Variants in LONRF2 observed in about 807,000 individuals in gnomAD.
LONRF2 encodes LON peptidase N-terminal domain and RING finger protein 2.
Under a neutral mutation model 66.6 loss-of-function variants are expected in LONRF2, and 35 were observed. That is an observed-to-expected ratio of 0.53 (90% CI 0.40 to 0.70). The LOEUF (loss-of-function observed/expected upper bound fraction) is 0.70. Ranked by LOEUF, LONRF2 falls within the 30% of genes least tolerant of loss-of-function variation. The probability of loss-of-function intolerance (pLI) is 0.00; values close to 1 mark genes in which losing one functional copy is unlikely to be tolerated. For synonymous variants in LONRF2, 417 were observed against 418.1 expected (o/e 1.00, Z 0.03); for missense variants, 902 against 1,002.1 (o/e 0.90, Z 1.35).
Position 100,322,119 on chromosome 2 carries a change from T to C in LONRF2, c.-26A>G. The C allele has an allele frequency of 8.1e-7, 1 of 1,237,710 alleles. No homozygotes were observed. The highest frequency in any genetic ancestry group is 1.0e-6 in the Non-Finnish European group (1 of 991,400). 76.7% of individuals were successfully genotyped at this position (1,237,710 alleles called of 1,614,324 possible). A position where few individuals can be genotyped will look rare whatever the true frequency, so the allele number is the denominator to read the frequency against. ...CACCGCGGGGCTGCGACGACGCGGG[T>C]CCGGAGCGAAGGCGCGGAGCAGGGA... On this transcript the variant is annotated 5_prime_UTR_variant, in exon 1 of 12. Transcript: ENST00000393437.
intron 1 of LONRF2, 94 bp from the exon 2 acceptor site, chr2:100,309,319 A>C: frequency 1.5e-6 from 1 of 664,954 alleles, no homozygotes; most frequent in Non-Finnish European, 2.5e-6. Flanking sequence ...GTATATATAC[A>C]TATGTATAAA....
intron 2 of LONRF2, among the ~76,000 whole-genome samples, chr2:100,303,624 T>C (rs959914185): frequency 3.3e-5 from 5 of 152,232 alleles, no homozygotes; most frequent in Non-Finnish European, 2.9e-5. Context: ...GCACTTGAAA[T>C]ATGTTGTTCC....
chr2:100,290,199 A>G, intron 10 of LONRF2, 59 bp downstream of exon 10: 3 of 1,510,616 alleles, frequency 2.0e-6, no homozygotes, highest in Non-Finnish European at 2.7e-6. Context: ...CTTTTCCACA[A>G]TGCAAAGGGA....
At chr2:100,310,253 A>C (rs1055390303) in intron 1 of LONRF2, among the ~76,000 whole-genome samples, 4 of 152,166 alleles carry the variant, frequency 2.6e-5, no homozygotes, top group African/African-American at 9.7e-5. Context: ...AGGCAGAACC[A>C]TCACAGCCAT....
intron 7 of LONRF2, among the ~76,000 whole-genome samples, chr2:100,298,255 A>C (rs371205680): frequency 1.4e-4 from 22 of 152,336 alleles, no homozygotes; most frequent in African/African-American, 5.3e-4. Context: ...TACCATACCT[A>C]ACGTAAATGG....
At position 100,294,117 on chromosome 2, in the gene LONRF2, G is replaced by C. The variant is rs1367914355; in HGVS notation, c.1757+112C>G. 5 of 1,269,936 alleles carry C rather than the reference G, an allele frequency of 3.9e-6. No homozygotes were observed. The Admixed American group carries it at 9.4e-5, about 24-fold the overall frequency. The allele number at this position is 1,269,936 out of a possible 1,614,324, so 78.7% of individuals were successfully genotyped here. ...CAGCCTTGAACTTGGACTTTGTTAC[G>C]TAACGGGAGCCACTGGAGGTTTTCA... On this transcript the variant is annotated intron_variant, in intron 9 of 11. Transcript: ENST00000393437.
At chr2:100,297,620 A>G (rs1269381809) in intron 7 of LONRF2, among the ~76,000 whole-genome samples, 2 of 152,336 alleles carry the variant, frequency 1.3e-5, no homozygotes, top group Non-Finnish European at 2.9e-5. Context: ...AACAAGAGGC[A>G]GTGGGTCCGA....
At chr2:100,289,876 G>A (rs2105716830) in intron 10 of LONRF2, among the ~76,000 whole-genome samples, 1 of 152,270 alleles carries the variant, frequency 6.6e-6, no homozygotes, top group South Asian at 2.1e-4. Flanking sequence ...GGTTGAGGTG[G>A]GAGGACTGCT....
intron 10 of LONRF2, 92 bp from the exon 11 acceptor site, chr2:100,287,155 G>T: frequency 8.4e-7 from 1 of 1,191,716 alleles, no homozygotes; most frequent in African/African-American, 1.6e-5. Context: ...AAGTGGATTT[G>T]TGGCAGTTAG....
At chr2:100,302,852 G>A (rs547126486) in intron 3 of LONRF2, 69 bp downstream of exon 3, 2 of 1,368,598 alleles carry the variant, frequency 1.5e-6, no homozygotes. Flanking sequence ...ACATGCAAGG[G>A]TTACTCAGCA....
intron 2 of LONRF2, among the ~76,000 whole-genome samples, chr2:100,305,252 T>C (rs1458950130): frequency 6.6e-6 from 1 of 152,216 alleles, no homozygotes; most frequent in Middle Eastern, 3.4e-3. Flanking sequence ...CATGTGCAGG[T>C]TTTTTTAGAA....
chr2:100,295,467 C>T lies in LONRF2; in HGVS notation c.1563G>A (p.Lys521=), dbSNP rs745647078. The T allele has an allele frequency of 8.7e-6, 14 of 1,613,908 alleles. No homozygotes were observed. In the Admixed American group the frequency reaches 1.0e-4, roughly 12 times the overall value. ...CTGACATTTCTTCATCATAAATTCT[C>T]TTCCTATCAGACAATTCATCCGGCA... The part of the protein sequence containing the change: ...RYLPDELSDR[K]RIYDEEMSEL... The change falls in exon 8 of 12, where the codon AAG becomes AAA. Residue 521 remains lysine (K), a synonymous_variant. Transcript: ENST00000393437.
intron 3 of LONRF2, among the ~76,000 whole-genome samples, chr2:100,301,777 G>A (rs2105726653): frequency 6.6e-6 from 1 of 152,360 alleles, no homozygotes; most frequent in Admixed American, 6.5e-5. Context: ...ACCTTGGACT[G>A]ACTTTCTCAG....
chr2:100,299,930 G>A lies in LONRF2; in HGVS notation c.1066-12C>T. ...TTCTCAGATGAATTCTGGTTAAGTG[G>A]GAAAAAAAGGAATCCTGAGTATTAA... On this transcript the variant is annotated splice_polypyrimidine_tract_variant and intron_variant, in intron 4 of 11. Transcript: ENST00000393437. 1 of 1,420,536 alleles carries A rather than the reference G, an allele frequency of 7.0e-7. No individual in the cohort carries two copies. Among genetic ancestry groups the A allele is most frequent in the Non-Finnish European group, 9.6e-7 (1 of 1,046,800 alleles). 88.0% of individuals were successfully genotyped at this position (1,420,536 alleles called of 1,614,324 possible). A position where few individuals can be genotyped will look rare whatever the true frequency, so the allele number is the denominator to read the frequency against.
intron 9 of LONRF2, among the ~76,000 whole-genome samples, chr2:100,291,945 G>C (rs977360482): frequency 1.1e-4 from 16 of 152,176 alleles, no homozygotes; most frequent in African/African-American, 3.9e-4. Context: ...CGGAGGCTCA[G>C]AGGAATTAAC....
In LONRF2 at chr2:100,274,308, C is replaced by A. The variant is rs1415790419; in HGVS notation, c.*9990G>T. 2.0e-5 allele frequency: 3 copies of A among 152,230 alleles called. No individual in the cohort carries two copies. The highest frequency in any genetic ancestry group is 1.9e-4 in the East Asian group (1 of 5,184). The allele number at this position is 152,230 out of a possible 1,614,324, so 9.4% of individuals were successfully genotyped here. A position where few individuals can be genotyped will look rare whatever the true frequency, so the allele number is the denominator to read the frequency against. ...ACTTCCTTAGCTGCAGGGCTGCAGG[C>A]AGGTGCTTCTGCTCCTGAGCTCCTA... On this transcript the variant is annotated 3_prime_UTR_variant, in exon 12 of 12. Transcript: ENST00000393437.
chr2:100,277,138 T>C lies in LONRF2; in HGVS notation c.*7160A>G, dbSNP rs1168526710. The C allele has an allele frequency of 6.6e-6, 1 of 152,208 alleles. No individual in the cohort carries two copies. The highest frequency in any genetic ancestry group is 1.5e-5 in the Non-Finnish European group (1 of 68,032). 9.4% of individuals were successfully genotyped at this position (152,208 alleles called of 1,614,324 possible). A position where few individuals can be genotyped will look rare whatever the true frequency, so the allele number is the denominator to read the frequency against. On this transcript the variant is annotated 3_prime_UTR_variant, in exon 12 of 12. Coordinates refer to ENST00000393437, the MANE Select transcript of LONRF2 (RefSeq NM_198461.4). Reference sequence around the variant, plus strand: ...CATAAACAACCTCTATAATCAAACCTTAAAATCCATGGGCACTCCTGTTGG... The same window carrying C: ...CATAAACAACCTCTATAATCAAACCCTAAAATCCATGGGCACTCCTGTTGG...
Position 100,278,955 on chromosome 2 carries a change from G to A in LONRF2, c.*5343C>T, listed in dbSNP as rs1487538236. 1 of 152,048 alleles carries A rather than the reference G, an allele frequency of 6.6e-6. No homozygotes were observed. The highest frequency in any genetic ancestry group is 6.5e-5 in the Admixed American group (1 of 15,274). The allele number at this position is 152,048 out of a possible 1,614,324, so 9.4% of individuals were successfully genotyped here. On this transcript the variant is annotated 3_prime_UTR_variant, in exon 12 of 12. Coordinates refer to ENST00000393437, the MANE Select transcript of LONRF2 (RefSeq NM_198461.4). ...ACTCCCATGTCTAAATGGAAACTCT[G>A]GTAGAAGGGACTACTCTCTGTACCA...
chr2:100,287,315 C>G (rs1425781323), intron 10 of LONRF2, among the ~76,000 whole-genome samples: 1 of 152,158 alleles, frequency 6.6e-6, no homozygotes, highest in African/African-American at 2.4e-5. Context: ...GAATAATGTT[C>G]AATGGCTGCA....
Sources: allele counts gnomAD v4.1 joint callset (sites outside exome capture counted in the v4.1 genomes callset), GRCh38; gene constraint gnomAD v4.1.1; transcripts MANE v1.5; gene names NCBI Gene and HGNC (gene_info 2026-07-23, HGNC 2026-07-21).